DNAH7: variants seen among roughly 807,000 people sequenced by gnomAD.
DNAH7 encodes the protein dynein axonemal heavy chain 7.
DNAH7 carries 397 observed loss-of-function variants against 444.6 expected under a neutral mutation model. The ratio of observed to expected loss-of-function variants is 0.89; its 90% CI spans 0.82 to 0.97. The LOEUF is 0.97. Among genes scored for constraint, DNAH7 ranks in the 50% least tolerant of loss-of-function variants. The pLI, the probability that DNAH7 is intolerant of heterozygous loss-of-function variation, is 0.00. For missense variants in DNAH7, 4,902 were observed against 4,800.8 expected (o/e 1.02, Z -0.62); for synonymous variants, 1,636 against 1,624.4 (o/e 1.01, Z -0.17).
chr2:195,827,736 G>A (rs1007564806), intron 48 of DNAH7, among the ~76,000 whole-genome samples: 5 of 151,378 alleles, frequency 3.3e-5, no homozygotes, highest in African/African-American at 9.7e-5. Context: ...GGACCACCAG[G>A]CTCAGCTAAT....
chr2:196,009,914 A>G (rs542270586), intron 10 of DNAH7, among the ~76,000 whole-genome samples: 49 of 152,194 alleles, frequency 3.2e-4, no homozygotes, highest in Non-Finnish European at 6.0e-4. Context: ...AAGAATGCCC[A>G]ACATTCCTAT....
At chr2:195,749,562 G>T (rs1693651817) in intron 63 of DNAH7, among the ~76,000 whole-genome samples, 2 of 151,962 alleles carry the variant, frequency 1.3e-5, no homozygotes, top group South Asian at 4.2e-4. Flanking sequence ...ATTCACAATA[G>T]CAAAGACTTG....
intron 10 of DNAH7, among the ~76,000 whole-genome samples, chr2:196,008,709 T>C (rs1228619969): frequency 6.6e-6 from 1 of 152,112 alleles, no homozygotes; most frequent in Non-Finnish European, 1.5e-5. Context: ...TGAGACGAAA[T>C]GTCCAGAGTA....
At chr2:195,823,032 T>C (rs1018123320) in intron 49 of DNAH7, among the ~76,000 whole-genome samples, 1 of 152,192 alleles carries the variant, frequency 6.6e-6, no homozygotes, top group Non-Finnish European at 1.5e-5. Flanking sequence ...GATGAGAGAA[T>C]TGAGGCACAG....
At chr2:195,917,365 C>T (rs570759915) in intron 24 of DNAH7, among the ~76,000 whole-genome samples, 1 of 152,214 alleles carries the variant, frequency 6.6e-6, no homozygotes, top group South Asian at 2.1e-4. Flanking sequence ...CTCCAGTAAA[C>T]ACACTGCACA....
At chr2:195,981,483 C>T (rs893715609) in intron 15 of DNAH7, among the ~76,000 whole-genome samples, 4 of 151,624 alleles carry the variant, frequency 2.6e-5, no homozygotes, top group Non-Finnish European at 4.4e-5. Flanking sequence ...TATACGAAAC[C>T]GCAAAAACCC....
intron 2 of DNAH7, 53 bp from the exon 3 acceptor site, chr2:196,051,302 T>C (rs1697452059): frequency 2.0e-6 from 3 of 1,467,628 alleles, no homozygotes; most frequent in Non-Finnish European, 2.9e-6. Flanking sequence ...AGTGCTAAAA[T>C]TGATTCACTG....
intron 36 of DNAH7, among the ~76,000 whole-genome samples, chr2:195,879,929 C>T (rs1017725058): frequency 1.3e-5 from 2 of 152,170 alleles, no homozygotes; most frequent in African/African-American, 4.8e-5. Context: ...AAAACTCCCT[C>T]AACAGATTTG....
At chr2:195,971,778 C>G (rs1430692907) in intron 16 of DNAH7, among the ~76,000 whole-genome samples, 1 of 151,786 alleles carries the variant, frequency 6.6e-6, no homozygotes, top group Non-Finnish European at 1.5e-5. Context: ...CCCTCCCCCC[C>G]AAGAAAAAAG....
At chr2:195,921,774 T>C (rs1688041273) in intron 24 of DNAH7, among the ~76,000 whole-genome samples, 1 of 152,020 alleles carries the variant, frequency 6.6e-6, no homozygotes, top group South Asian at 2.1e-4. Context: ...AAAAGAAAAT[T>C]CAGTGTTTCA....
intron 44 of DNAH7, among the ~76,000 whole-genome samples, chr2:195,856,211 A>T (rs1179139252): frequency 5.3e-5 from 8 of 152,218 alleles, no homozygotes; most frequent in Admixed American, 5.2e-4. Context: ...CAAATATACA[A>T]AAAACATTTT....
intron 40 of DNAH7, 42 bp downstream of exon 40, chr2:195,872,208 T>C (rs1364996081): frequency 6.8e-7 from 1 of 1,460,488 alleles, no homozygotes; most frequent in Non-Finnish European, 9.5e-7. Context: ...TGGCAAATCT[T>C]TGTTTCTCAC....
chr2:196,023,015 A>T (rs1695472192), intron 8 of DNAH7, among the ~76,000 whole-genome samples: 2 of 152,112 alleles, frequency 1.3e-5, no homozygotes, highest in African/African-American at 4.8e-5. Context: ...AGTCCCTGAT[A>T]TAGTTTGTAT....
At chr2:195,910,763 TG>T (rs1390245369) in intron 24 of DNAH7, among the ~76,000 whole-genome samples, 1 of 152,136 alleles carries the variant, frequency 6.6e-6, no homozygotes, top group East Asian at 1.9e-4. Flanking sequence ...AAGGCTGTCT[TG>T]TCTCTAAATG....
chr2:195,903,506 C>T (rs537109197), intron 27 of DNAH7: 2 of 152,000 alleles, frequency 1.3e-5, no homozygotes, highest in Non-Finnish European at 2.9e-5. Context: ...ACAAACTATT[C>T]TAAAATGATC....
chr2:195,784,366 T>TA (rs1695516683), intron 58 of DNAH7, among the ~76,000 whole-genome samples: 1 of 152,244 alleles, frequency 6.6e-6, no homozygotes. Flanking sequence ...GCAGGCTTTT[T>TA]AGACTGTATT....
chr2:196,021,119 T>C (rs966935903), intron 8 of DNAH7, among the ~76,000 whole-genome samples: 1 of 152,170 alleles, frequency 6.6e-6, no homozygotes, highest in Admixed American at 6.6e-5. Flanking sequence ...ATATATTCTG[T>C]AATGTTCCCA....
At chr2:195,863,909 T>C (rs1439577084) in intron 41 of DNAH7, among the ~76,000 whole-genome samples, 2 of 152,224 alleles carry the variant, frequency 1.3e-5, no homozygotes, top group African/African-American at 2.4e-5. Context: ...AGGACTCTGA[T>C]ACACAATTTT....
intron 58 of DNAH7, among the ~76,000 whole-genome samples, chr2:195,778,906 C>T (rs866863952): frequency 8.0e-5 from 12 of 149,482 alleles, no homozygotes; most frequent in African/African-American, 1.7e-4. Flanking sequence ...TGCAATGGCA[C>T]GATCTCGGCT....
Sources: allele counts gnomAD v4.1 joint callset (sites outside exome capture counted in the v4.1 genomes callset), GRCh38; gene constraint gnomAD v4.1.1; transcripts MANE v1.5; gene names NCBI Gene and HGNC (gene_info 2026-07-23, HGNC 2026-07-21).